The following RARB variants were observed in gnomAD, a reference collection of about 807,000 sequenced individuals.
RARB encodes the protein retinoic acid receptor beta.
Under a neutral mutation model 51.9 loss-of-function variants are expected in RARB, and 17 were observed. The observed-to-expected ratio is 0.33, with a 90% confidence interval of 0.22 to 0.49. The LOEUF is 0.49. Among genes scored for constraint, RARB ranks in the 20% least tolerant of loss-of-function variants. RARB has a pLI of 0.99. For synonymous variants in RARB, 215 were observed against 195.4 expected, an observed-to-expected ratio of 1.10 and a Z score of -0.84; for missense variants, 369 against 550.8, an observed-to-expected ratio of 0.67 and a Z score of 3.30.
intron 3 of RARB, among the ~76,000 whole-genome samples, chr3:25,121,716 T>A (rs980262968): frequency 5.9e-5 from 9 of 152,192 alleles, no homozygotes; most frequent in Admixed American, 5.9e-4. Flanking sequence ...GTTTAGTAAA[T>A]ACTTGCTGAA....
Position 25,362,604 on chromosome 3 carries a change from G to A in RARB, c.179-98589G>A, listed in dbSNP as rs561160128. ...TGAAACCCAGGGCACTTGTGGGGTA[G>A]GCACCTGAGGGAACCTCCTGGTCTG... On this transcript the variant is annotated intron_variant, in intron 5 of 11. Coordinates refer to the RARB transcript ENST00000383772. Among the ~76,000 whole-genome samples the A allele has an allele frequency of 2.4e-4, 36 of 152,342 alleles. No homozygotes were observed. The South Asian group carries it at 7.3e-3, about 31-fold the overall frequency.
intron 5 of RARB, among the ~76,000 whole-genome samples, chr3:25,337,858 G>C (rs1032729598): frequency 6.6e-6 from 1 of 152,042 alleles, no homozygotes; most frequent in South Asian, 2.1e-4. Flanking sequence ...CCTTAGAAGA[G>C]TAGGTGATTT....
intron 2 of RARB, among the ~76,000 whole-genome samples, chr3:24,889,077 G>A (rs1237144255): frequency 2.6e-5 from 4 of 152,164 alleles, no homozygotes; most frequent in Admixed American, 2.0e-4. Context: ...GGAAGTGAGA[G>A]CAATGCACTG....
At chr3:25,415,667 C>T (rs1707684440) in intron 5 of RARB, among the ~76,000 whole-genome samples, 1 of 152,104 alleles carries the variant, frequency 6.6e-6, no homozygotes, top group South Asian at 2.1e-4. Flanking sequence ...ATAATTAGTC[C>T]TAATTTTGTT....
chr3:24,953,431 A>G (rs537907225), intron 2 of RARB, among the ~76,000 whole-genome samples: 3 of 152,230 alleles, frequency 2.0e-5, no homozygotes, highest in Non-Finnish European at 4.4e-5. Context: ...GGCCTCACTT[A>G]GTACCCCTGA....
rs1178414967 is a variant in RARB at position 25,033,079 on chromosome 3, G to A, written c.-379-27046G>A. On this transcript the variant is annotated intron_variant, in intron 2 of 11. Transcript: ENST00000383772. ...CTTCTAGTTGCCAGTTATTCATCTAGGCTTTTGATCTGGTTAAATTTTTAC... is the reference window on the plus strand; with the variant it reads ...CTTCTAGTTGCCAGTTATTCATCTAAGCTTTTGATCTGGTTAAATTTTTAC... Among the ~76,000 whole-genome samples, 3 of 152,066 alleles carry A rather than the reference G, an allele frequency of 2.0e-5. No homozygotes were observed. In the East Asian group the frequency reaches 5.8e-4, roughly 29 times the overall value.
intron 5 of RARB, among the ~76,000 whole-genome samples, chr3:25,187,221 A>G (rs1700999568): frequency 6.6e-6 from 1 of 152,138 alleles, no homozygotes; most frequent in African/African-American, 2.4e-5. Context: ...CCATGCTGCC[A>G]TAATATAGGA....
chr3:24,887,499 A>G (rs970843423), intron 2 of RARB, among the ~76,000 whole-genome samples: 5 of 152,220 alleles, frequency 3.3e-5, no homozygotes, highest in Non-Finnish European at 7.3e-5. Flanking sequence ...ATTTTATGAT[A>G]GAATGTTATG....
intron 5 of RARB, among the ~76,000 whole-genome samples, chr3:25,211,994 G>A (rs12497476): frequency 6.6e-6 from 1 of 151,886 alleles, no homozygotes; most frequent in Non-Finnish European, 1.5e-5. Flanking sequence ...TGAAGGAAAA[G>A]AGATATATTT....
chr3:25,058,036 T>G (rs2125302665), intron 2 of RARB, among the ~76,000 whole-genome samples: 1 of 152,102 alleles, frequency 6.6e-6, no homozygotes, highest in South Asian at 2.1e-4. Context: ...GCACTTCCAC[T>G]TTGCTTAGGT....
chr3:25,294,069 G>C (rs1254417035), intron 5 of RARB, among the ~76,000 whole-genome samples: 4 of 152,134 alleles, frequency 2.6e-5, no homozygotes, highest in African/African-American at 4.8e-5. Flanking sequence ...GATTCACCGA[G>C]GAAAATGCAG....
At chr3:25,561,843 G>A (rs1195284111) in intron 3 of RARB, among the ~76,000 whole-genome samples, 1 of 152,150 alleles carries the variant, frequency 6.6e-6, no homozygotes, top group Non-Finnish European at 1.5e-5. Context: ...TTGTTATAAA[G>A]AATATACATG....
In RARB at chr3:25,578,763, G is replaced by T. The variant is rs1259765989; in HGVS notation, c.610-1783G>T. The stretch of plus-strand genomic sequence containing the variant: ...CACCTTCGTTTTTACAGTGTCTGTG[G>T]CACCTCGTGCAAACTCTTCTTTCTG... On this transcript the variant is annotated intron_variant, in intron 4 of 7. Coordinates refer to ENST00000330688, the MANE Select transcript of RARB (RefSeq NM_000965.5). 3.3e-5 allele frequency among the ~76,000 whole-genome samples: 5 copies of T among 152,186 alleles called. No homozygotes were observed. The East Asian group carries it at 9.6e-4, about 29-fold the overall frequency.
chr3:24,875,662 C>T (rs1703029479), intron 2 of RARB, among the ~76,000 whole-genome samples: 1 of 151,946 alleles, frequency 6.6e-6, no homozygotes, highest in African/African-American at 2.4e-5. Flanking sequence ...CAGGGAGTTC[C>T]CATGTATCTT....
At chr3:25,198,417 A>G (rs890748489) in intron 5 of RARB, among the ~76,000 whole-genome samples, 7 of 152,154 alleles carry the variant, frequency 4.6e-5, no homozygotes, top group African/African-American at 1.7e-4. Flanking sequence ...GCAAAAATGG[A>G]CAAATAGGAT....
At chr3:25,336,164 G>A (rs1705056957) in intron 5 of RARB, among the ~76,000 whole-genome samples, 2 of 151,586 alleles carry the variant, frequency 1.3e-5, no homozygotes, top group South Asian at 4.2e-4. Flanking sequence ...TGTAAGAAGA[G>A]AAAAATAAAG....
intron 1 of RARB, among the ~76,000 whole-genome samples, chr3:25,448,598 G>A (rs1709053620): frequency 1.3e-5 from 2 of 152,060 alleles, no homozygotes; most frequent in African/African-American, 4.8e-5. Context: ...CTCCCGAGTA[G>A]CTGGGATTGC....
In RARB at chr3:25,231,941, G is replaced by A. The variant is rs9310774; in HGVS notation, c.178+57366G>A. Among the ~76,000 whole-genome samples the A allele has an allele frequency of 3.3e-3, 498 of 150,894 alleles. 4 individuals are homozygous for A. The highest frequency in any genetic ancestry group is 5.0e-3 in the Non-Finnish European group (338 of 67,708). ...AACTCAATATATTTTTTTTTCTTTC[G>A]GTATCGTGTCTAAGATCTCATTGCC... On this transcript the variant is annotated intron_variant, in intron 5 of 11. Coordinates refer to the RARB transcript ENST00000383772.
At chr3:25,483,440 G>T (rs111584376) in intron 2 of RARB, among the ~76,000 whole-genome samples, 57 of 151,906 alleles carry the variant, frequency 3.8e-4, no homozygotes, top group African/African-American at 1.2e-3. Context: ...GGACAAGAGT[G>T]ATTCCATTTG....
Sources: allele counts gnomAD v4.1 joint callset (sites outside exome capture counted in the v4.1 genomes callset), GRCh38; gene constraint gnomAD v4.1.1; transcripts MANE v1.5; gene names NCBI Gene and HGNC (gene_info 2026-07-23, HGNC 2026-07-21).